The following KIF26B variants were observed in gnomAD, a reference collection of about 807,000 sequenced individuals.
The protein encoded by KIF26B is kinesin family member 26B.
KIF26B carries 63 observed loss-of-function variants against 151.2 expected under a neutral mutation model. That is an observed-to-expected ratio of 0.42 (90% CI 0.34 to 0.51). The LOEUF (loss-of-function observed/expected upper bound fraction) is 0.51. KIF26B is among the 20% of genes least tolerant of loss of function. The pLI, the probability that KIF26B is intolerant of heterozygous loss-of-function variation, is 0.07. For synonymous variants in KIF26B, 1,357 were observed against 1,262.1 expected (o/e 1.08, Z -1.59); for missense variants, 2,813 against 2,913.6 (o/e 0.97, Z 0.79).
At chr1:245,270,078 A>G (rs1452770626) in intron 2 of KIF26B, among the ~76,000 whole-genome samples, 1 of 152,172 alleles carries the variant, frequency 6.6e-6, no homozygotes, top group African/African-American at 2.4e-5. Flanking sequence ...CAAGGATTTC[A>G]GTTTCTCCAC....
At chr1:245,283,709 G>A (rs1469503550) in intron 2 of KIF26B, among the ~76,000 whole-genome samples, 1 of 68,204 alleles carries the variant, frequency 1.5e-5, no homozygotes, top group Non-Finnish European at 3.0e-5. Flanking sequence ...TTTTTTTGAG[G>A]CGGACTCTCA....
At chr1:245,650,337 T>G (rs186166231) in intron 10 of KIF26B, among the ~76,000 whole-genome samples, 3 of 152,190 alleles carry the variant, frequency 2.0e-5, no homozygotes, top group Non-Finnish European at 4.4e-5. Context: ...TAAGAAAAAA[T>G]AGGCAGAAGC....
At chr1:245,394,212 G>T (rs559085463) in intron 3 of KIF26B, among the ~76,000 whole-genome samples, 1 of 152,164 alleles carries the variant, frequency 6.6e-6, no homozygotes, top group African/African-American at 2.4e-5. Context: ...CTCTGTCGTC[G>T]TGAGTTTCTG....
chr1:245,565,777 T>C (rs1478198732), intron 5 of KIF26B, among the ~76,000 whole-genome samples: 2 of 152,210 alleles, frequency 1.3e-5, no homozygotes, highest in Non-Finnish European at 2.9e-5. Flanking sequence ...TGTTAGTCCA[T>C]TTTGCATTAC....
rs1327732313 is a variant in KIF26B, at chr1:245,673,176, GCTGCGCGCTGCCATCTT to G, written c.2259-11056_2259-11040del. On this transcript the variant is annotated intron_variant, in intron 10 of 14. Coordinates refer to ENST00000407071, the MANE Select transcript of KIF26B (RefSeq NM_018012.4). ...CGCTGCCATATTAGGCCCAGTCCCC[GCTGCGCGCTGCCATCTT>G]AGGCCCAGTCCCCGCTGCGCGCTGC... Among the ~76,000 whole-genome samples the G allele has an allele frequency of 1.3e-4, 12 of 92,610 alleles. 1 individual carries two copies. Among genetic ancestry groups the G allele is most frequent in the East Asian group, 5.7e-4 (1 of 1,746 alleles). 60.8% of individuals were successfully genotyped at this position (92,610 alleles called of 152,430 possible).
At chr1:245,229,107 C>T (rs374581877) in intron 2 of KIF26B, among the ~76,000 whole-genome samples, 3 of 152,152 alleles carry the variant, frequency 2.0e-5, no homozygotes, top group South Asian at 4.1e-4. Context: ...GGTCAGACTA[C>T]AGGCACGTGC....
rs760563496 is a variant in KIF26B at position 245,602,799 on chromosome 1, C to G, written c.1557+16C>G. On this transcript the variant is annotated intron_variant, in intron 6 of 14. Transcript: ENST00000407071. The surrounding 1 kb of genome is among the most constrained non-coding windows in gnomAD (Gnocchi z 4.5). The stretch of plus-strand genomic sequence containing the variant: ...CGCTTCTCAGGTGGGTATCAGCCCC[C>G]TCTCAGGCTCAGGCAACGTTGATGA... 1.9e-6 allele frequency: 3 copies of G among 1,611,614 alleles called. No individual in the cohort carries two copies. The highest frequency in any genetic ancestry group is 8.5e-7 in the Non-Finnish European group (1 of 1,178,878).
rs558347782 is a variant in KIF26B, at chr1:245,638,081, G to T, written c.2099-8040G>T. Reference sequence around the variant, plus strand: ...TGATAGGGATTGCAGTGAATCTGTAGATTGCTTTGGGTAGTATAGACATTT... The same window carrying T: ...TGATAGGGATTGCAGTGAATCTGTATATTGCTTTGGGTAGTATAGACATTT... On this transcript the variant is annotated intron_variant, in intron 9 of 14. Coordinates refer to ENST00000407071, the MANE Select transcript of KIF26B (RefSeq NM_018012.4). Among the ~76,000 whole-genome samples the T allele has an allele frequency of 9.9e-5, 15 of 152,096 alleles. No homozygotes were observed. The South Asian group carries it at 2.9e-3, about 29-fold the overall frequency.
At chr1:245,695,408 C>T (rs2044679133) in intron 12 of KIF26B, among the ~76,000 whole-genome samples, 1 of 152,144 alleles carries the variant, frequency 6.6e-6, no homozygotes, top group African/African-American at 2.4e-5. Context: ...CTCACATGCA[C>T]CTCTGGAGGG....
At chr1:245,438,053 A>G (rs1196797417) in intron 4 of KIF26B, among the ~76,000 whole-genome samples, 1 of 152,196 alleles carries the variant, frequency 6.6e-6, no homozygotes, top group Non-Finnish European at 1.5e-5. Context: ...ACAGCATCAG[A>G]AGACCAAAAC....
chr1:245,549,995 T>C (rs987888581), intron 5 of KIF26B, among the ~76,000 whole-genome samples: 1 of 152,196 alleles, frequency 6.6e-6, no homozygotes, highest in Non-Finnish European at 1.5e-5. Context: ...GCCAGGCTGG[T>C]CTTGAACTCC....
intron 2 of KIF26B, among the ~76,000 whole-genome samples, chr1:245,173,771 C>G (rs774243925): frequency 1.2e-4 from 19 of 152,204 alleles, no homozygotes; most frequent in Non-Finnish European, 2.4e-4. Context: ...CTTTTTCTCT[C>G]CTTTCTCTTA....
intron 2 of KIF26B, among the ~76,000 whole-genome samples, chr1:245,207,760 C>T (rs2103541621): frequency 6.6e-6 from 1 of 152,300 alleles, no homozygotes; most frequent in South Asian, 2.1e-4. Context: ...CCACTTCCCA[C>T]AGCTCCCCCC....
rs567839711 is a variant in KIF26B at position 245,319,367 on chromosome 1, C to T, written c.466-47467C>T. ...GGGCCACTTCTTGCTCAGCATTTGT[C>T]GTGGAGTCTTCTGCCATTGGCCATG... On this transcript the variant is annotated intron_variant, in intron 2 of 14. Coordinates refer to ENST00000407071, the MANE Select transcript of KIF26B (RefSeq NM_018012.4). Among the ~76,000 whole-genome samples the T allele has an allele frequency of 3.9e-5, 6 of 152,326 alleles. No homozygotes were observed. In the South Asian group the frequency reaches 1.0e-3, roughly 26 times the overall value.
intron 2 of KIF26B, among the ~76,000 whole-genome samples, chr1:245,238,691 T>C (rs1340543696): frequency 6.6e-6 from 1 of 151,938 alleles, no homozygotes; most frequent in East Asian, 1.9e-4. Context: ...CAAAACCCCA[T>C]CTCTACTAAA....
intron 4 of KIF26B, among the ~76,000 whole-genome samples, chr1:245,531,344 G>A (rs957947255): frequency 2.6e-5 from 4 of 152,086 alleles, no homozygotes; most frequent in Admixed American, 6.5e-5. Context: ...ATGGAAACAC[G>A]AATGCAAGTC....
At chr1:245,670,613 G>A (rs931308717) in intron 10 of KIF26B, among the ~76,000 whole-genome samples, 1 of 151,920 alleles carries the variant, frequency 6.6e-6, no homozygotes, top group African/African-American at 2.4e-5. Context: ...ATAGCCAAGA[G>A]GTAGGAACAA....
At chr1:245,387,750 T>C (rs988954005) in intron 3 of KIF26B, among the ~76,000 whole-genome samples, 5 of 152,154 alleles carry the variant, frequency 3.3e-5, no homozygotes, top group Non-Finnish European at 7.3e-5. Flanking sequence ...CTAATATGCA[T>C]GATACCAGCA....
intron 9 of KIF26B, among the ~76,000 whole-genome samples, chr1:245,644,846 C>T (rs572705478): frequency 1.3e-5 from 2 of 152,258 alleles, no homozygotes; most frequent in South Asian, 4.1e-4. Context: ...GTAAAAGACA[C>T]CTGAGGCTGG....
Sources: gnomAD v4.1 joint callset for allele counts (sites outside exome capture counted in the v4.1 genomes callset) on GRCh38, gnomAD v4.1.1 for gene constraint, Gnocchi (gnomAD v3.1) non-coding constraint, MANE v1.5 for transcripts, NCBI Gene and HGNC (gene_info 2026-07-23, HGNC 2026-07-21) for gene names.